Variants in VPS33A observed in about 807,000 individuals in gnomAD.
VPS33A encodes the protein vacuolar protein sorting-associated protein 33A.
A neutral mutation model predicts 71.8 loss-of-function variants in VPS33A; 32 were observed. That is an observed-to-expected ratio of 0.45 (90% CI 0.34 to 0.60). The LOEUF (loss-of-function observed/expected upper bound fraction) is 0.60. Among genes scored for constraint, VPS33A ranks in the 20% least tolerant of loss-of-function variants. The pLI, the probability that VPS33A is intolerant of heterozygous loss-of-function variation, is 0.02. For synonymous variants in VPS33A, 311 were observed against 292.7 expected, an observed-to-expected ratio of 1.06 and a Z score of -0.64; for missense variants, 625 against 748.5, an observed-to-expected ratio of 0.84 and a Z score of 1.92.
At chr12:122,238,459 T>C in intron 10 of VPS33A, 128 bp downstream of exon 10, 1 of 1,153,248 alleles carries the variant, frequency 8.7e-7, no homozygotes, top group Non-Finnish European at 1.2e-6. Flanking sequence ...TAACCTCAAG[T>C]GATCCACCTG....
chr12:122,250,287 G>A (rs1436115834), intron 5 of VPS33A: 7 of 452,940 alleles, frequency 1.5e-5, no homozygotes, highest in East Asian at 3.7e-5. Flanking sequence ...CTTGTGATTC[G>A]CAGTAGTTAT....
At chr12:122,232,995 C>G in intron 11 of VPS33A, 27 bp from the exon 12 acceptor site, 1 of 1,556,950 alleles carries the variant, frequency 6.4e-7, no homozygotes, top group South Asian at 1.2e-5. Flanking sequence ...GAACAAAAAC[C>G]CTATAGATAC....
intron 4 of VPS33A, among the ~76,000 whole-genome samples, chr12:122,254,726 TA>T: frequency 6.6e-6 from 1 of 152,182 alleles, no homozygotes; most frequent in South Asian, 2.1e-4. Context: ...CTTAGGTGAA[TA>T]TACAAAGCCA....
At chr12:122,259,592 C>T (rs1190590415) in intron 4 of VPS33A, among the ~76,000 whole-genome samples, 5 of 152,058 alleles carry the variant, frequency 3.3e-5, no homozygotes, top group African/African-American at 1.2e-4. Context: ...TTCACAGTAT[C>T]GTGACAGCCA....
At position 122,265,551 on chromosome 12, in the gene VPS33A, T is replaced by G. The variant is rs540660776; in HGVS notation, c.102+756A>C. ...GATACAATCCATGATGTTATTCAGA[T>G]TTCAGCATCCTTTTCTGAATTGAAA... On this transcript the variant is annotated intron_variant, in intron 1 of 12. Coordinates refer to ENST00000267199, the MANE Select transcript of VPS33A (RefSeq NM_022916.6). 57 of 279,506 alleles carry G rather than the reference T, an allele frequency of 2.0e-4. 1 individual carries two copies. The highest frequency in any genetic ancestry group is 1.2e-3 in the African/African-American group (56 of 46,334). 17.3% of individuals were successfully genotyped at this position (279,506 alleles called of 1,614,324 possible).
rs57522920 is a variant in VPS33A at position 122,238,770 on chromosome 12, TACACACACAC to T, written c.1165-56_1165-47del. The T allele has an allele frequency of 0.033, 28,476 of 871,912 alleles. 351 individuals are homozygous for T. Among genetic ancestry groups the T allele is most frequent in the Middle Eastern group, 0.062 (273 of 4,432 alleles). The allele number at this position is 871,912 out of a possible 1,614,324, so 54.0% of individuals were successfully genotyped here. On this transcript the variant is annotated intron_variant, in intron 9 of 12. Coordinates refer to ENST00000267199, the MANE Select transcript of VPS33A (RefSeq NM_022916.6). ...ATATACATATACATTTACATATACA[TACACACACAC>T]ACACACACACACACACACACACACA... is the stretch of plus-strand genomic sequence containing the variant.
At chr12:122,250,867 C>G (rs930138078) in intron 5 of VPS33A, 116 bp downstream of exon 5, 2 of 758,318 alleles carry the variant, frequency 2.6e-6, no homozygotes, top group African/African-American at 1.7e-5. Context: ...TTCATGAGTA[C>G]AGTATTCATA....
At chr12:122,250,492 G>A (rs551563894) in intron 5 of VPS33A, among the ~76,000 whole-genome samples, 3 of 152,274 alleles carry the variant, frequency 2.0e-5, no homozygotes, top group Admixed American at 2.0e-4. Flanking sequence ...ACACTGAACT[G>A]ACAGCCAGCA....
At chr12:122,238,797 ACACACACAC>A in intron 9 of VPS33A, 73 bp from the exon 10 acceptor site, 1 of 1,284,650 alleles carries the variant, frequency 7.8e-7, no homozygotes, top group South Asian at 1.3e-5. Context: ...ACACACACAC[ACACACACAC>A]AATACATGGT....
chr12:122,254,675 T>C (rs1954891954), intron 4 of VPS33A, among the ~76,000 whole-genome samples: 2 of 152,084 alleles, frequency 1.3e-5, no homozygotes, highest in South Asian at 4.1e-4. Flanking sequence ...CCTCCCAAAG[T>C]GCTGGCAGGT....
At chr12:122,263,396 A>G (rs539887946) in intron 3 of VPS33A, among the ~76,000 whole-genome samples, 176 bp downstream of exon 3, 1 of 152,124 alleles carries the variant, frequency 6.6e-6, no homozygotes, top group East Asian at 1.9e-4. Flanking sequence ...CCCATTAACT[A>G]TCTCCACCTC....
Position 122,261,334 on chromosome 12 carries a change from C to T in VPS33A, c.410G>A (p.Arg137Lys). ...DLGVLGSFIH[R>K]EEYSLDLIPF... is the part of the protein sequence containing the mutation. The stretch of plus-strand genomic sequence containing the variant: ...AATGAGATCTAAGCTGTACTCCTCC[C>T]TGTGAATAAAGGATCCCAAGACACC... The change falls in exon 4 of 13, where the codon AGG becomes AAG. Residue 137 changes from arginine to lysine, a missense_variant. Arg to Lys is a conservative substitution (Grantham distance 26). Coordinates refer to ENST00000267199, the MANE Select transcript of VPS33A (RefSeq NM_022916.6). 2 of 1,614,126 alleles carry T rather than the reference C, an allele frequency of 1.2e-6. No homozygotes were observed. The highest frequency in any genetic ancestry group is 2.2e-5 in the East Asian group (1 of 44,876).
Position 122,266,436 on chromosome 12 carries a change from C to A in VPS33A, c.-28G>T. 6.3e-7 allele frequency: 1 copy of A among 1,594,956 alleles called. No homozygotes were observed. The highest frequency in any genetic ancestry group is 8.6e-7 in the Non-Finnish European group (1 of 1,165,866). On this transcript the variant is annotated 5_prime_UTR_variant, in exon 1 of 13. Coordinates refer to ENST00000267199, the MANE Select transcript of VPS33A (RefSeq NM_022916.6). ...TGCTCCACCACCCCCTGCCCCACAA[C>A]GCCAACCGAGTCCGCCGGTTCCTAC... is the stretch of plus-strand genomic sequence containing the variant.
chr12:122,260,756 C>T (rs939108282), intron 4 of VPS33A, among the ~76,000 whole-genome samples: 3 of 152,046 alleles, frequency 2.0e-5, no homozygotes, highest in East Asian at 1.9e-4. Context: ...GAGGCGGAGG[C>T]GGGCGGATCA....
At position 122,238,736 on chromosome 12, in the gene VPS33A, G is replaced by A. The variant is rs1407649536; in HGVS notation, c.1165-12C>T. The A allele has an allele frequency of 1.9e-6, 3 of 1,582,806 alleles. No homozygotes were observed. Among genetic ancestry groups the A allele is most frequent in the Non-Finnish European group, 1.7e-6 (2 of 1,160,834 alleles). Reference sequence around the variant, plus strand: ...ATGTAATTGTTGACCTGGAAATAAAGTAGCATACATATACATATACATTTA... The same window carrying A: ...ATGTAATTGTTGACCTGGAAATAAAATAGCATACATATACATATACATTTA... On this transcript the variant is annotated splice_polypyrimidine_tract_variant and intron_variant, in intron 9 of 12. Transcript: ENST00000267199.
intron 4 of VPS33A, among the ~76,000 whole-genome samples, chr12:122,260,241 C>A (rs182155446): frequency 6.6e-6 from 1 of 151,712 alleles, no homozygotes; most frequent in Non-Finnish European, 1.5e-5. Flanking sequence ...CTAAAAACCA[C>A]TGAATTTTGC....
Position 122,233,288 on chromosome 12 carries a change from T to C in VPS33A, c.1441-320A>G, listed in dbSNP as rs546908727. On this transcript the variant is annotated intron_variant, in intron 11 of 12. Transcript: ENST00000267199. ...TCACCCAGGCTGGAGTGCAGTGGCA[T>C]AATTTCAGCTCACTGCAACCTCCGC... Among the ~76,000 whole-genome samples the C allele has an allele frequency of 4.3e-4, 66 of 151,810 alleles. 1 individual carries two copies. In the South Asian group the frequency reaches 0.013, roughly 30 times the overall value.
intron 2 of VPS33A, 94 bp downstream of exon 2, chr12:122,264,040 A>G: frequency 8.5e-7 from 1 of 1,171,054 alleles, no homozygotes; most frequent in Non-Finnish European, 1.2e-6. Context: ...ACAGCTTTGC[A>G]AACCAATGAT....
At chr12:122,259,909 G>A (rs1026644690) in intron 4 of VPS33A, among the ~76,000 whole-genome samples, 7 of 152,004 alleles carry the variant, frequency 4.6e-5, no homozygotes, top group African/African-American at 9.7e-5. Flanking sequence ...CAGGTGTGGC[G>A]GCACATGCCT....
Sources: allele counts gnomAD v4.1 joint callset (sites outside exome capture counted in the v4.1 genomes callset), GRCh38; gene constraint gnomAD v4.1.1; transcripts MANE v1.5; gene names NCBI Gene and HGNC (gene_info 2026-07-23, HGNC 2026-07-21).